The following CRP variants were observed in gnomAD, a reference collection of about 807,000 sequenced individuals.
CRP encodes the protein C-reactive protein.
A neutral mutation model predicts 3.0 loss-of-function variants in CRP; 6 were observed. The observed-to-expected ratio is 2.02, with a 90% CI of 1.11 to 3.99. The LOEUF is 3.99. Ranked by LOEUF, CRP falls within the 30% of genes most tolerant of loss-of-function variation. The pLI is 0.00. For synonymous variants in CRP, 130 were observed against 111.0 expected (o/e 1.17, Z -1.08); for missense variants, 297 against 271.0 (o/e 1.10, Z -0.67).
Position 159,713,429 on chromosome 1 carries a change from A to G in CRP, c.*96T>C. ...GCCCAGAGACAGAGACGTGGGAACC[A>G]TGCAGTGTAAAAAAGCGGGAGGTAC... On this transcript the variant is annotated 3_prime_UTR_variant, in exon 2 of 2. Coordinates refer to ENST00000255030, the MANE Select transcript of CRP (RefSeq NM_000567.3). 2.0e-6 allele frequency: 3 copies of G among 1,477,492 alleles called. No homozygotes were observed. The highest frequency in any genetic ancestry group is 2.7e-6 in the Non-Finnish European group (3 of 1,101,794). The allele number at this position is 1,477,492 out of a possible 1,614,324, so 91.5% of individuals were successfully genotyped here.
rs770910391 is a variant in CRP at position 159,714,427 on chromosome 1, G to A, written c.59C>T (p.Thr20Ile). ...CCATAGCCTGGGGTGGCCCTTACCTGTCTGGCCAAAAGCATGAGAGAGGCT... is the reference window on the plus strand; with the variant it reads ...CCATAGCCTGGGGTGGCCCTTACCTATCTGGCCAAAAGCATGAGAGAGGCT... ...LTSLSHAFGQ[T>I]DMSRKAFVFP... Residue 20 changes from threonine (T) to isoleucine (I), a missense_variant and splice_region_variant, in exon 1 of 2, where the codon ACA becomes ATA. By Grantham distance (89) the Thr-to-Ile change is moderately conservative (BLOSUM62 -1). Transcript: ENST00000255030. 6.2e-7 allele frequency: 1 copy of A among 1,611,266 alleles called. No individual in the cohort carries two copies. The highest frequency in any genetic ancestry group is 1.7e-5 in the Admixed American group (1 of 59,642).
rs191827417 is a variant in CRP at position 159,712,884 on chromosome 1, G to A, written c.*641C>T. On this transcript the variant is annotated 3_prime_UTR_variant, in exon 2 of 2. Coordinates refer to ENST00000255030, the MANE Select transcript of CRP (RefSeq NM_000567.3). ...TTCATTTTGCTCTGGAAAAAAAGCA[G>A]ATCTGCTCTGCTGGGGCAATTCTAA... 4.6e-5 allele frequency: 7 copies of A among 152,430 alleles called. No individual in the cohort carries two copies. The highest frequency in any genetic ancestry group is 2.0e-4 in the Admixed American group (3 of 15,304). The allele number at this position is 152,430 out of a possible 1,614,324, so 9.4% of individuals were successfully genotyped here. A position where few individuals can be genotyped will look rare whatever the true frequency, so the allele number is the denominator to read the frequency against.
chr1:159,714,331 CT>C (rs58518386), intron 1 of CRP, 93 bp downstream of exon 1: 196,034 of 884,630 alleles, frequency 0.22, 1,101 homozygotes, highest in East Asian at 0.28. Context: ...TTCATACAGT[CT>C]TTTTTTTTTT....
Position 159,713,678 on chromosome 1 carries a change from A to G in CRP, c.522T>C (p.Ile174=). 3 of 1,614,088 alleles carry G rather than the reference A, an allele frequency of 1.9e-6. No homozygotes were observed. The highest frequency in any genetic ancestry group is 2.5e-6 in the Non-Finnish European group (3 of 1,180,020). Residue 174 remains isoleucine (I), a synonymous_variant, in exon 2 of 2, where the codon ATT becomes ATC. Transcript: ENST00000255030. ...FEGSQSLVGD[I]GNVNMWDFVL... ...CAAAGTCCCACATGTTCACATTTCC[A>G]ATGTCTCCCACCAGGGACTGGCTTC...
In CRP at chr1:159,712,652, G is replaced by A. The variant is rs1000518476; in HGVS notation, c.*873C>T. 4 of 152,266 alleles carry A rather than the reference G, an allele frequency of 2.6e-5. No individual in the cohort carries two copies. Among genetic ancestry groups the A allele is most frequent in the African/African-American group, 9.7e-5 (4 of 41,442 alleles). The allele number at this position is 152,266 out of a possible 1,614,324, so 9.4% of individuals were successfully genotyped here. The stretch of plus-strand genomic sequence containing the variant: ...GGGGAGATGGGAGATGGGCTCCTCT[G>A]ACAGGACACCCTGTGGTTCACGTCC... On this transcript the variant is annotated 3_prime_UTR_variant, in exon 2 of 2. Transcript: ENST00000255030.
In CRP at chr1:159,714,023, C is replaced by G. The variant is rs751271674; in HGVS notation, c.177G>C (p.Thr59=). 6.2e-7 allele frequency: 1 copy of G among 1,613,452 alleles called. No individual in the cohort carries two copies. Among genetic ancestry groups the G allele is most frequent in the East Asian group, 2.2e-5 (1 of 44,872 alleles). ...TGTACCCACGGGTCGAGGACAGTTCCGTGTAGAAGTGGAGGCACACAGTGA... is the reference window on the plus strand; with the variant it reads ...TGTACCCACGGGTCGAGGACAGTTCGGTGTAGAAGTGGAGGCACACAGTGA... ...KAFTVCLHFY[T]ELSSTRGYSI... The change falls in exon 2 of 2, where the codon ACG becomes ACC. Residue 59 remains threonine (T), a synonymous_variant. Transcript: ENST00000255030.
chr1:159,714,556 G>T lies in CRP; in HGVS notation c.-71C>A. 1 of 1,548,874 alleles carries T rather than the reference G, an allele frequency of 6.5e-7. No homozygotes were observed. Among genetic ancestry groups the T allele is most frequent in the Non-Finnish European group, 8.9e-7 (1 of 1,126,624 alleles). On this transcript the variant is annotated 5_prime_UTR_variant, in exon 1 of 2. Coordinates refer to ENST00000255030, the MANE Select transcript of CRP (RefSeq NM_000567.3). ...TTGGAAAAGATGTATTCGGCTGAAA[G>T]TTCAGGGGCTAGAAGTCCTAGATCT...
In CRP at chr1:159,713,643, G is replaced by T; in HGVS notation, c.557C>A (p.Pro186Gln). Residue 186 changes from proline (P) to glutamine (Q), a missense_variant, in exon 2 of 2, where the codon CCA becomes CAA. Physicochemically the swap from Pro to Gln is moderately conservative, Grantham distance 76. Transcript: ENST00000255030. ...NVNMWDFVLS[P>Q]DEINTIYLGG... ...AAGATAGATGGTGTTAATCTCATCT[G>T]GTGACAGCACAAAGTCCCACATGTT... The T allele has an allele frequency of 6.2e-7, 1 of 1,614,164 alleles. No individual in the cohort carries two copies. Among genetic ancestry groups the T allele is most frequent in the Non-Finnish European group, 8.5e-7 (1 of 1,180,030 alleles).
Position 159,713,982 on chromosome 1 carries a change from G to T in CRP, c.218C>A (p.Ala73Asp). 2 of 1,613,528 alleles carry T rather than the reference G, an allele frequency of 1.2e-6. No individual in the cohort carries two copies. The highest frequency in any genetic ancestry group is 1.7e-6 in the Non-Finnish European group (2 of 1,180,008). Residue 73 changes from alanine to aspartate, a missense_variant, in exon 2 of 2, where the codon GCC becomes GAC. Transcript: ENST00000255030. Reference protein sequence around the residue: ...STRGYSIFSYATKRQDNEILI... With the variant: ...STRGYSIFSYDTKRQDNEILI... Reference sequence around the variant, plus strand: ...AATCTCATTGTCTTGTCTCTTGGTGGCATACGAGAAAATACTGTACCCACG... The same window carrying T: ...AATCTCATTGTCTTGTCTCTTGGTGTCATACGAGAAAATACTGTACCCACG...
chr1:159,714,112 G>C lies in CRP; in HGVS notation c.88C>G (p.Pro30Ala). The change falls in exon 2 of 2, where the codon CCC (proline) becomes GCC (alanine). Residue 30 changes from proline to alanine, a missense_variant. Coordinates refer to ENST00000255030, the MANE Select transcript of CRP (RefSeq NM_000567.3). ...ACATAGGAAGTATCCGACTCTTTGG[G>C]AAACACAAAAGCCTTCCTCGACATG... ...TDMSRKAFVF[P>A]KESDTSYVSL... 1 of 1,611,936 alleles carries C rather than the reference G, an allele frequency of 6.2e-7. No individual in the cohort carries two copies. The highest frequency in any genetic ancestry group is 8.5e-7 in the Non-Finnish European group (1 of 1,179,688).
Position 159,712,853 on chromosome 1 carries a change from T to G in CRP, c.*672A>C, listed in dbSNP as rs760110048. ...TTGGCAGTAACAACATATTTATACC[T>G]AGTGCTTCATTTTGCTCTGGAAAAA... On this transcript the variant is annotated 3_prime_UTR_variant, in exon 2 of 2. Transcript: ENST00000255030. 2 of 152,234 alleles carry G rather than the reference T, an allele frequency of 1.3e-5. No individual in the cohort carries two copies. Among genetic ancestry groups the G allele is most frequent in the South Asian group, 4.1e-4 (2 of 4,824 alleles). The allele number at this position is 152,234 out of a possible 1,614,324, so 9.4% of individuals were successfully genotyped here.
In CRP at chr1:159,714,479, T is replaced by A. The variant is rs1211831758; in HGVS notation, c.7A>T (p.Lys3Ter). The change falls in exon 1 of 2, where the codon AAG becomes TAG. Residue 3 changes from lysine (K) to a stop codon, truncating the protein, a stop_gained. Coordinates refer to ENST00000255030, the MANE Select transcript of CRP (RefSeq NM_000567.3). LOFTEE classifies it high-confidence loss of function. ME[K>*]LLCFLVLTSL... ...GTCAAGACCAAGAAACACAACAGCT[T>A]CTCCATGGTCACGTCCTGCTGCCAG... 6.2e-7 allele frequency: 1 copy of A among 1,613,752 alleles called. No homozygotes were observed. Among genetic ancestry groups the A allele is most frequent in the Non-Finnish European group, 8.5e-7 (1 of 1,179,974 alleles).
At position 159,714,026 on chromosome 1, in the gene CRP, G is replaced by C. The variant is rs143101792; in HGVS notation, c.174C>G (p.Tyr58Ter). The C allele has an allele frequency of 1.6e-4, 265 of 1,613,554 alleles. 1 individual carries two copies. The highest frequency in any genetic ancestry group is 2.1e-4 in the Non-Finnish European group (246 of 1,180,008). ...ACCCACGGGTCGAGGACAGTTCCGT[G>C]TAGAAGTGGAGGCACACAGTGAAGG... The part of the protein sequence containing the change: ...LKAFTVCLHF[Y>*]TELSSTRGYS... The change falls in exon 2 of 2, where the codon TAC (tyrosine) becomes TAG (stop). Residue 58 changes from tyrosine to a stop codon, truncating the protein, a stop_gained. Coordinates refer to ENST00000255030, the MANE Select transcript of CRP (RefSeq NM_000567.3). LOFTEE classifies it low-confidence loss of function (END_TRUNC).
In CRP at chr1:159,714,132, G is replaced by A. The variant is rs1411197686; in HGVS notation, c.68C>T (p.Ser23Leu). ...TTTGGGAAACACAAAAGCCTTCCTC[G>A]ACATGTCTGTGAGCCAGAAAAACAA... Reference protein sequence around the residue: ...LSHAFGQTDMSRKAFVFPKES... With the variant: ...LSHAFGQTDMLRKAFVFPKES... Residue 23 changes from serine to leucine, a missense_variant, in exon 2 of 2, where the codon TCG (serine) becomes TTG (leucine). Coordinates refer to ENST00000255030, the MANE Select transcript of CRP (RefSeq NM_000567.3). 3.7e-6 allele frequency: 6 copies of A among 1,608,572 alleles called. No individual in the cohort carries two copies. Among genetic ancestry groups the A allele is most frequent in the South Asian group, 2.2e-5 (2 of 90,870 alleles).
chr1:159,714,571 G>T lies in CRP; in HGVS notation c.-86C>A. The T allele has an allele frequency of 1.4e-6, 2 of 1,444,428 alleles. No individual in the cohort carries two copies. The highest frequency in any genetic ancestry group is 2.3e-5 in the East Asian group (1 of 43,526). The allele number at this position is 1,444,428 out of a possible 1,614,324, so 89.5% of individuals were successfully genotyped here. A position where few individuals can be genotyped will look rare whatever the true frequency, so the allele number is the denominator to read the frequency against. On this transcript the variant is annotated 5_prime_UTR_variant, in exon 1 of 2. Transcript: ENST00000255030. ...TCGGCTGAAAGTTCAGGGGCTAGAA[G>T]TCCTAGATCTCTTGCCTTAGAGCTA...
chr1:159,713,485 T>A lies in CRP; in HGVS notation c.*40A>T. ...ACAGAGACGTGGGGCCCATGCGGTG[T>A]AAAAAACCGGGAGGTACCTTCAGGA... On this transcript the variant is annotated 3_prime_UTR_variant, in exon 2 of 2. Transcript: ENST00000255030. 1.9e-6 allele frequency: 3 copies of A among 1,566,348 alleles called. No homozygotes were observed. Among genetic ancestry groups the A allele is most frequent in the Non-Finnish European group, 1.7e-6 (2 of 1,160,594 alleles).
At position 159,713,636 on chromosome 1, in the gene CRP, C is replaced by T. The variant is rs754981672; in HGVS notation, c.564G>A (p.Glu188=). The change falls in exon 2 of 2, where the codon GAG becomes GAA. Residue 188 remains glutamate (E), a synonymous_variant. Coordinates refer to ENST00000255030, the MANE Select transcript of CRP (RefSeq NM_000567.3). ...NMWDFVLSPD[E]INTIYLGGPF... ...GCCCGCCAAGATAGATGGTGTTAATCTCATCTGGTGACAGCACAAAGTCCC... is the reference window on the plus strand; with the variant it reads ...GCCCGCCAAGATAGATGGTGTTAATTTCATCTGGTGACAGCACAAAGTCCC... 1 of 1,614,222 alleles carries T rather than the reference C, an allele frequency of 6.2e-7. No individual in the cohort carries two copies. Among genetic ancestry groups the T allele is most frequent in the Non-Finnish European group, 8.5e-7 (1 of 1,180,046 alleles).
In CRP at chr1:159,712,602, C is replaced by T. The variant is rs1660699756; in HGVS notation, c.*923G>A. On this transcript the variant is annotated 3_prime_UTR_variant, in exon 2 of 2. Transcript: ENST00000255030. ...GGTCCTGCTAGGAACACGTAACTAT[C>T]CAACTATCCTCCAGATAGGGAGCTG... is the stretch of plus-strand genomic sequence containing the variant. 1 of 152,290 alleles carries T rather than the reference C, an allele frequency of 6.6e-6. No homozygotes were observed. Among genetic ancestry groups the T allele is most frequent in the Non-Finnish European group, 1.5e-5 (1 of 68,114 alleles). 9.4% of individuals were successfully genotyped at this position (152,290 alleles called of 1,614,324 possible).
rs563233562 is a variant in CRP, at chr1:159,713,867, T to G, written c.333A>C (p.Pro111=). The change falls in exon 2 of 2, where the codon CCA becomes CCC. Residue 111 remains proline (P), a synonymous_variant. Transcript: ENST00000255030. ...LFEVPEVTVA[P]VHICTSWESA... ...ACTCCCAGCTTGTACAAATGTGTAC[T>G]GGAGCTACTGTGACTTCAGGAACCT... The G allele has an allele frequency of 4.6e-5, 74 of 1,614,178 alleles. 2 individuals are homozygous for G. The South Asian group carries it at 7.4e-4, about 16-fold the overall frequency.
Sources: gnomAD v4.1 joint callset for allele counts on GRCh38, gnomAD v4.1.1 for gene constraint, MANE v1.5 for transcripts, NCBI Gene and HGNC (gene_info 2026-07-23, HGNC 2026-07-21) for gene names.